Variants in KIF13B observed in about 807,000 individuals in gnomAD.
The protein encoded by KIF13B is kinesin family member 13B.
KIF13B carries 127 observed loss-of-function variants against 222.0 expected under a neutral mutation model. The observed-to-expected ratio is 0.57, with a 90% confidence interval of 0.50 to 0.66. KIF13B has a LOEUF of 0.66. KIF13B is among the 30% of genes least tolerant of loss of function. The pLI is 0.00. For missense variants in KIF13B, 2,173 were observed against 2,379.0 expected (o/e 0.91, Z 1.80); for synonymous variants, 976 against 919.0 (o/e 1.06, Z -1.12).
In KIF13B at chr8:29,140,611, G is replaced by A. The variant is rs1326613326; in HGVS notation, c.2341C>T (p.Arg781Ter). The A allele has an allele frequency of 1.9e-6, 3 of 1,611,842 alleles. No homozygotes were observed. Among genetic ancestry groups the A allele is most frequent in the Non-Finnish European group, 2.5e-6 (3 of 1,179,016 alleles). ...GGATCAGCACGTTTGAAGTATGATC[G>A]TATTACCTGTAAAGAGATTGAGAAC... ...KECEEDNPVI[R>*]SYFKRADPFY... The change falls in exon 20 of 40, where the codon CGA becomes TGA. Residue 781 changes from arginine (R) to a stop codon, truncating the protein, a stop_gained. Transcript: ENST00000524189. LOFTEE classifies it high-confidence loss of function.
At chr8:29,190,187 T>C (rs76505839) in intron 4 of KIF13B, 1 of 152,316 alleles carries the variant, frequency 6.6e-6, no homozygotes, top group Non-Finnish European at 1.5e-5. Flanking sequence ...AGCTTCTCAT[T>C]CCACAAGGTC....
At chr8:29,173,313 A>T (rs1292703414) in intron 10 of KIF13B, among the ~76,000 whole-genome samples, 1 of 152,128 alleles carries the variant, frequency 6.6e-6, no homozygotes, top group Non-Finnish European at 1.5e-5. Flanking sequence ...TTTGAAGAAG[A>T]AGTATCTTAT....
chr8:29,262,843 G>A, intron 1 of KIF13B, 137 bp downstream of exon 1: 5 of 599,838 alleles, frequency 8.3e-6, no homozygotes, highest in East Asian at 3.5e-5. Context: ...GCGGGTTTCA[G>A]GGTCCCCGGG....
rs192290328 is a variant in KIF13B, at chr8:29,238,625, G to A, written c.149+6721C>T. Among the ~76,000 whole-genome samples, 37 of 152,052 alleles carry A rather than the reference G, an allele frequency of 2.4e-4. No individual in the cohort carries two copies. The East Asian group carries it at 7.1e-3, about 29-fold the overall frequency. On this transcript the variant is annotated intron_variant, in intron 2 of 39. Transcript: ENST00000524189. ...TTCATTAGGTTAAACATGACACATG[G>A]GGGATGGAGAGGGCAGCATCATATT...
chr8:29,187,275 C>A (rs1812977821), intron 5 of KIF13B, among the ~76,000 whole-genome samples: 1 of 152,220 alleles, frequency 6.6e-6, no homozygotes, highest in Non-Finnish European at 1.5e-5. Flanking sequence ...CGCCTGTAAT[C>A]TCAGCACTTT....
At chr8:29,165,589 C>A (rs1006278837) in intron 12 of KIF13B, 73 bp downstream of exon 12, 8 of 903,388 alleles carry the variant, frequency 8.9e-6, no homozygotes, top group Non-Finnish European at 1.4e-5. Flanking sequence ...CAAAAAGGAA[C>A]CAGAAACACC....
intron 37 of KIF13B, among the ~76,000 whole-genome samples, chr8:29,090,175 C>A (rs939804773): frequency 3.3e-5 from 5 of 152,080 alleles, no homozygotes; most frequent in African/African-American, 1.2e-4. Flanking sequence ...GATTCAAGGC[C>A]GGGGTACAGG....
intron 26 of KIF13B, among the ~76,000 whole-genome samples, chr8:29,124,998 C>T (rs1282179934): frequency 6.6e-6 from 1 of 151,940 alleles, no homozygotes; most frequent in Non-Finnish European, 1.5e-5. Flanking sequence ...TGCAATGAGC[C>T]AAGATCACTC....
At chr8:29,250,320 G>C (rs1272435333) in intron 1 of KIF13B, among the ~76,000 whole-genome samples, 1 of 152,130 alleles carries the variant, frequency 6.6e-6, no homozygotes, top group African/African-American at 2.4e-5. Context: ...CAATTAAGAA[G>C]GCAGCCAAAT....
chr8:29,160,134 T>TTCAGATATATCTTACTTCAGATA (rs1811709536), intron 13 of KIF13B, among the ~76,000 whole-genome samples: 2 of 152,266 alleles, frequency 1.3e-5, no homozygotes, highest in African/African-American at 4.8e-5. Flanking sequence ...AAGTTGTCTC[T>TTCAGATATATCTTACTTCAGATA]TATCTTACTA....
At chr8:29,158,410 T>C (rs541120533) in intron 13 of KIF13B, among the ~76,000 whole-genome samples, 125 of 152,330 alleles carry the variant, frequency 8.2e-4, no homozygotes, top group African/African-American at 2.7e-3. Flanking sequence ...TAGATGGGTA[T>C]AATGATTCTG....
chr8:29,140,194 G>A lies in KIF13B; in HGVS notation c.2485-3C>T. On this transcript the variant is annotated splice_polypyrimidine_tract_variant and splice_region_variant and intron_variant, in intron 20 of 39. Coordinates refer to ENST00000524189, the MANE Select transcript of KIF13B (RefSeq NM_015254.4). ...TCCACGTGCAGCCGACCTGCCACCT[G>A]CAGCAATGAGGGAAGGCAGAAACAT... The A allele has an allele frequency of 6.2e-7, 1 of 1,613,308 alleles. No homozygotes were observed. Among genetic ancestry groups the A allele is most frequent in the Non-Finnish European group, 8.5e-7 (1 of 1,179,792 alleles).
At chr8:29,136,795 G>GTAT (rs1554603666) in intron 21 of KIF13B, among the ~76,000 whole-genome samples, 5 of 116,840 alleles carry the variant, frequency 4.3e-5, no homozygotes, top group Admixed American at 2.9e-4. Context: ...CCTGTAACAG[G>GTAT]TTTTTTTTTT....
intron 1 of KIF13B, among the ~76,000 whole-genome samples, chr8:29,252,008 A>C (rs982425981): frequency 6.6e-6 from 1 of 151,874 alleles, no homozygotes; most frequent in Non-Finnish European, 1.5e-5. Context: ...GAAAGGAAAG[A>C]AAGGAAAAAA....
rs369872935 is a variant in KIF13B, at chr8:29,075,308, C to A, written c.4494G>T (p.Pro1498=). 6.6e-5 allele frequency: 103 copies of A among 1,558,764 alleles called. No homozygotes were observed. The highest frequency in any genetic ancestry group is 8.8e-5 in the Non-Finnish European group (101 of 1,150,916). ...VPRIMVQSAS[P]DIRVTRMEEA... Reference sequence around the variant, plus strand: ...CCTCCATCCTGGTCACCCTGATGTCCGGGCTGGCTGACTGCACCATGATGC... The same window carrying A: ...CCTCCATCCTGGTCACCCTGATGTCAGGGCTGGCTGACTGCACCATGATGC... The change falls in exon 38 of 40, where the codon CCG becomes CCT. Residue 1498 remains proline (P), a synonymous_variant. Coordinates refer to ENST00000524189, the MANE Select transcript of KIF13B (RefSeq NM_015254.4).
intron 2 of KIF13B, among the ~76,000 whole-genome samples, chr8:29,235,114 T>C (rs524458): frequency 0.13 from 20,405 of 152,060 alleles, 1,440 homozygotes; most frequent in Non-Finnish European, 0.15. Flanking sequence ...AATCCTAATA[T>C]TAGATCACAA....
Position 29,147,383 on chromosome 8 carries a change from G to A in KIF13B, c.2024+9C>T, listed in dbSNP as rs1293565637. On this transcript the variant is annotated intron_variant, in intron 17 of 39. Coordinates refer to ENST00000524189, the MANE Select transcript of KIF13B (RefSeq NM_015254.4). ...CTATAAAGTTAACAGGCCCCTCTGT[G>A]CCGCCTACCTCTCCTCAGCCCACTG... is the stretch of plus-strand genomic sequence containing the variant. The A allele has an allele frequency of 6.3e-7, 1 of 1,590,950 alleles. No individual in the cohort carries two copies. The highest frequency in any genetic ancestry group is 1.8e-5 in the Admixed American group (1 of 56,898).
intron 2 of KIF13B, among the ~76,000 whole-genome samples, chr8:29,232,948 G>C (rs1815351132): frequency 6.6e-6 from 1 of 152,124 alleles, no homozygotes; most frequent in African/African-American, 2.4e-5. Flanking sequence ...TTGAGGTCAG[G>C]AGTTCGAGAC....
chr8:29,124,120 G>A lies in KIF13B; in HGVS notation c.3256C>T (p.Arg1086Ter), dbSNP rs1810001483. The change falls in exon 27 of 40, where the codon CGA becomes TGA. Residue 1086 changes from arginine to a stop codon, truncating the protein, a stop_gained. Coordinates refer to ENST00000524189, the MANE Select transcript of KIF13B (RefSeq NM_015254.4). LOFTEE classifies it high-confidence loss of function. ...TTTCTACGAAGTCTCTCTAAATCTC[G>A]ATCCTGGAAGCAAGCAAGGAAAATC... ...EEEDMDSYQD[R>*]DLERLRRKWL... 1.9e-6 allele frequency: 3 copies of A among 1,589,766 alleles called. No individual in the cohort carries two copies. The highest frequency in any genetic ancestry group is 1.1e-5 in the South Asian group (1 of 90,086).
Sources: allele counts gnomAD v4.1 joint callset (sites outside exome capture counted in the v4.1 genomes callset), GRCh38; gene constraint gnomAD v4.1.1; transcripts MANE v1.5; gene names NCBI Gene and HGNC (gene_info 2026-07-23, HGNC 2026-07-21).